MYPN: variants seen among roughly 807,000 people sequenced by gnomAD.
The protein encoded by MYPN is myopalladin, also known as sarcomeric protein myopalladin, 145 kDa (MYOP).
In MYPN, 63 loss-of-function variants were observed where a neutral mutation model predicts 129.4. That is an observed-to-expected ratio of 0.49 (90% CI 0.40 to 0.60). The LOEUF (loss-of-function observed/expected upper bound fraction) is 0.60, where lower values mean the gene tolerates loss of function less well. MYPN is among the 20% of genes least tolerant of loss of function. The probability of loss-of-function intolerance (pLI) is 0.00; values close to 1 mark genes in which losing one functional copy is unlikely to be tolerated. For synonymous variants in MYPN, 629 were observed against 600.9 expected, an observed-to-expected ratio of 1.05 and a Z score of -0.68; for missense variants, 1,596 against 1,635.4, an observed-to-expected ratio of 0.98 and a Z score of 0.42.
At chr10:68,153,747 A>G (rs879717495) in intron 6 of MYPN, among the ~76,000 whole-genome samples, 5 of 152,230 alleles carry the variant, frequency 3.3e-5, no homozygotes, top group Admixed American at 1.3e-4. Flanking sequence ...CAGAGCCACC[A>G]GTGATGGATG....
rs760469231 is a variant in MYPN, at chr10:68,121,819, C to G, written c.381C>G (p.Ser127Arg). The change falls in exon 2 of 20, where the codon AGC (serine) becomes AGG (arginine). Residue 127 changes from serine to arginine, a missense_variant. Transcript: ENST00000358913. ...AGGATAACCCTCGAAGTCCCACCAG[C>G]TCTAAAGAAAGCCCCCAGGAGGCAA... The part of the protein sequence containing the change: ...FCQDNPRSPT[S>R]SKESPQEAKR... 5.6e-6 allele frequency: 9 copies of G among 1,614,204 alleles called. No homozygotes were observed. The highest frequency in any genetic ancestry group is 6.8e-6 in the Non-Finnish European group (8 of 1,180,042).
chr10:68,110,240 C>G (rs78948143), intron 1 of MYPN, among the ~76,000 whole-genome samples: 2,755 of 152,204 alleles, frequency 0.018, 87 homozygotes, highest in African/African-American at 0.062. Flanking sequence ...GGACATTGCT[C>G]TTTCTTTCTC....
intron 15 of MYPN, among the ~76,000 whole-genome samples, chr10:68,195,796 T>A (rs1488270559): frequency 6.6e-6 from 1 of 152,084 alleles, no homozygotes; most frequent in Non-Finnish European, 1.5e-5. Context: ...GGGGCTTTTT[T>A]TTTAAGTTTG....
intron 3 of MYPN, among the ~76,000 whole-genome samples, chr10:68,143,873 G>T (rs1019935701): frequency 3.9e-5 from 6 of 152,102 alleles, no homozygotes; most frequent in Non-Finnish European, 8.8e-5. Context: ...TCGTGCCCCA[G>T]CCCCCCGAAT....
intron 4 of MYPN, among the ~76,000 whole-genome samples, chr10:68,145,984 TTC>T (rs2042660196): frequency 6.6e-6 from 1 of 152,214 alleles, no homozygotes; most frequent in Non-Finnish European, 1.5e-5. Context: ...TTCTGCCTTT[TTC>T]TCTCTTTTAT....
intron 2 of MYPN, chr10:68,136,519 G>A: frequency 7.2e-7 from 1 of 1,393,388 alleles, no homozygotes; most frequent in Non-Finnish European, 9.3e-7. Context: ...TACCTTTTCA[G>A]AAGCCAGCCT....
rs772356751 is a variant in MYPN at position 68,174,394 on chromosome 10, C to G, written c.2302C>G (p.Pro768Ala). The change falls in exon 11 of 20, where the codon CCC (proline) becomes GCC (alanine). Residue 768 changes from proline (P) to alanine (A), a missense_variant. Transcript: ENST00000358913. ...CAAAGAAAGCCTCTTAGTGTCTCAC[C>G]CCTCTGTGCAAACCAAATCTCCAGG... ...VSKESLLVSH[P>A]SVQTKSPGGL... 11 of 1,614,146 alleles carry G rather than the reference C, an allele frequency of 6.8e-6. No homozygotes were observed. The highest frequency in any genetic ancestry group is 6.8e-6 in the Non-Finnish European group (8 of 1,180,032).
chr10:68,182,382 CACATATATAACAT>C (rs1202945262), intron 12 of MYPN, among the ~76,000 whole-genome samples: 1 of 94,288 alleles, frequency 1.1e-5, no homozygotes, highest in African/African-American at 3.6e-5. Flanking sequence ...ACATATATAA[CACATATATAACAT>C]ATATATAACA....
intron 1 of MYPN, among the ~76,000 whole-genome samples, chr10:68,091,740 T>C (rs2041932300): frequency 6.6e-6 from 1 of 151,902 alleles, no homozygotes; most frequent in Non-Finnish European, 1.5e-5. Context: ...ATTTTCCTTC[T>C]TTTGATGTGC....
chr10:68,106,621 G>A (rs2042015767), upstream of MYPN: 1 of 703,258 alleles, frequency 1.4e-6, no homozygotes, highest in Non-Finnish European at 2.6e-6. Flanking sequence ...TTGAAGCTTT[G>A]GTATATGTGA....
At chr10:68,109,966 CA>C (rs1161546721) in intron 1 of MYPN, among the ~76,000 whole-genome samples, 1 of 152,156 alleles carries the variant, frequency 6.6e-6, no homozygotes, top group Non-Finnish European at 1.5e-5. Context: ...AAAAATATCT[CA>C]ACAGAAGAAG....
chr10:68,210,677 G>T lies in MYPN; in HGVS notation c.*222G>T. 3 of 651,046 alleles carry T rather than the reference G, an allele frequency of 4.6e-6. No individual in the cohort carries two copies. Among genetic ancestry groups the T allele is most frequent in the Non-Finnish European group, 8.5e-6 (3 of 353,974 alleles). 40.3% of individuals were successfully genotyped at this position (651,046 alleles called of 1,614,324 possible). On this transcript the variant is annotated 3_prime_UTR_variant, in exon 20 of 20. Coordinates refer to ENST00000358913, the MANE Select transcript of MYPN (RefSeq NM_032578.4). Reference sequence around the variant, plus strand: ...AAAGATTCCAACAGAGATGTGAGAAGATAATACAGATGAACCAAAGATGTC... The same window carrying T: ...AAAGATTCCAACAGAGATGTGAGAATATAATACAGATGAACCAAAGATGTC...
intron 12 of MYPN, among the ~76,000 whole-genome samples, chr10:68,178,193 C>T (rs766855161): frequency 1.2e-4 from 18 of 152,176 alleles, no homozygotes; most frequent in Non-Finnish European, 2.1e-4. Context: ...TGAGAAGGTG[C>T]CATCCTTTCA....
intron 2 of MYPN, among the ~76,000 whole-genome samples, chr10:68,140,360 C>T (rs1043636127): frequency 6.6e-6 from 1 of 152,128 alleles, no homozygotes; most frequent in Non-Finnish European, 1.5e-5. Flanking sequence ...CTGTGGTAGG[C>T]ACTGTGGATG....
intron 1 of MYPN, among the ~76,000 whole-genome samples, chr10:68,101,016 T>A (rs192231935): frequency 6.6e-6 from 1 of 152,348 alleles, no homozygotes; most frequent in East Asian, 1.9e-4. Context: ...GTTGATTGAC[T>A]GAATAAGACA....
intron 6 of MYPN, among the ~76,000 whole-genome samples, chr10:68,155,756 A>G (rs1010947474): frequency 7.9e-5 from 12 of 152,186 alleles, no homozygotes; most frequent in African/African-American, 2.9e-4. Context: ...AATAACAACC[A>G]TCCTCATCCT....
At chr10:68,156,216 T>A (rs1248304645) in intron 6 of MYPN, among the ~76,000 whole-genome samples, 1 of 152,146 alleles carries the variant, frequency 6.6e-6, no homozygotes, top group Non-Finnish European at 1.5e-5. Context: ...TTGGTTTGCC[T>A]CAAGAAGGAA....
chr10:68,177,457 G>A (rs1047517969), intron 12 of MYPN, among the ~76,000 whole-genome samples: 5 of 152,164 alleles, frequency 3.3e-5, no homozygotes, highest in African/African-American at 1.2e-4. Flanking sequence ...TGGGAAACTG[G>A]GAGCTGTCTG....
chr10:68,167,124 A>G (rs2043067879), intron 10 of MYPN, among the ~76,000 whole-genome samples: 1 of 152,236 alleles, frequency 6.6e-6, no homozygotes, highest in South Asian at 2.1e-4. Flanking sequence ...TCCTTACATC[A>G]ATAGAAGCAT....
Sources: allele counts gnomAD v4.1 joint callset (sites outside exome capture counted in the v4.1 genomes callset), GRCh38; gene constraint gnomAD v4.1.1; transcripts MANE v1.5; gene names NCBI Gene and HGNC (gene_info 2026-07-23, HGNC 2026-07-21).